The following KANK1 variants were observed in gnomAD, a reference collection of about 807,000 sequenced individuals.
KANK1 encodes the protein KN motif and ankyrin repeat domains 1, also known as KN motif and ankyrin repeat domain-containing protein 1.
In KANK1, 109 loss-of-function variants were observed where a neutral mutation model predicts 106.2. The ratio of observed to expected loss-of-function variants is 1.03; its 90% CI spans 0.88 to 1.20. The LOEUF (loss-of-function observed/expected upper bound fraction) is 1.20. KANK1 is among the 50% of genes most tolerant of loss of function. KANK1 has a pLI of 0.00. For missense variants in KANK1, 2,399 were observed against 1,710.7 expected (o/e 1.40, Z -7.10); for synonymous variants, 873 against 652.2 (o/e 1.34, Z -5.16).
chr9:692,267 T>A (rs556800429), intron 2 of KANK1, among the ~76,000 whole-genome samples: 3 of 152,324 alleles, frequency 2.0e-5, no homozygotes, highest in East Asian at 3.9e-4. Context: ...TTAAAGGTGA[T>A]TATCTTTGAG....
chr9:726,656 C>G (rs114523889), intron 3 of KANK1, among the ~76,000 whole-genome samples: 1 of 151,564 alleles, frequency 6.6e-6, no homozygotes, highest in African/African-American at 2.4e-5. Context: ...AAAACTTGAA[C>G]GGAGACAAAA....
At position 708,410 on chromosome 9, in the gene KANK1, G is replaced by T. The variant is rs77024268; in HGVS notation, c.38-2394G>T. On this transcript the variant is annotated intron_variant, in intron 2 of 11. Transcript: ENST00000382297. ...ACAAGTTTCCAGGCACAGCCCTCCC[G>T]ACCAGCCCTCCCATTCTTAGGCTAG... Among the ~76,000 whole-genome samples, 173 of 152,346 alleles carry T rather than the reference G, an allele frequency of 1.1e-3. 1 individual carries two copies. Among genetic ancestry groups the T allele is most frequent in the African/African-American group, 3.9e-3 (162 of 41,582 alleles).
At chr9:528,901 G>C (rs1207037777) in intron 1 of KANK1, among the ~76,000 whole-genome samples, 1 of 152,060 alleles carries the variant, frequency 6.6e-6, no homozygotes, top group African/African-American at 2.4e-5. Context: ...CTGGGCTTAA[G>C]CAATCATCCC....
At chr9:742,567 C>G (rs534691694) in intron 10 of KANK1, among the ~76,000 whole-genome samples, 162 bp downstream of exon 10, 1 of 152,332 alleles carries the variant, frequency 6.6e-6, no homozygotes, top group Admixed American at 6.5e-5. Flanking sequence ...CTTGGCTACA[C>G]TTACTGTGTG....
At chr9:562,607 C>T (rs1426557314) in intron 1 of KANK1, among the ~76,000 whole-genome samples, 4 of 152,200 alleles carry the variant, frequency 2.6e-5, no homozygotes, top group African/African-American at 9.6e-5. Flanking sequence ...GTTTCTTAAC[C>T]TGCATAGGAG....
chr9:487,270 A>T (rs541874779), intron 3 of KANK1, among the ~76,000 whole-genome samples: 10 of 152,340 alleles, frequency 6.6e-5, no homozygotes, highest in African/African-American at 9.6e-5. Flanking sequence ...CACTGCAAGT[A>T]CCCCATAACC....
chr9:599,700 C>T (rs1389127079), intron 1 of KANK1, among the ~76,000 whole-genome samples: 1 of 151,770 alleles, frequency 6.6e-6, no homozygotes, highest in Non-Finnish European at 1.5e-5. Context: ...TTCAACCCAA[C>T]ATGGATTGAA....
chr9:556,430 G>C (rs1311904836), intron 1 of KANK1, among the ~76,000 whole-genome samples: 2 of 152,172 alleles, frequency 1.3e-5, no homozygotes, highest in African/African-American at 4.8e-5. Context: ...GAGTCAGCCA[G>C]ATCCAGATCT....
chr9:589,637 C>T lies in KANK1; in HGVS notation c.-84+84883C>T, dbSNP rs187946223. Among the ~76,000 whole-genome samples, 5 of 151,982 alleles carry T rather than the reference C, an allele frequency of 3.3e-5. No individual in the cohort carries two copies. In the East Asian group the frequency reaches 5.8e-4, roughly 18 times the overall value. On this transcript the variant is annotated intron_variant, in intron 1 of 11. Coordinates refer to ENST00000382297, the MANE Select transcript of KANK1 (RefSeq NM_015158.5). ...CATCTTTGAGACTGAAGGAATGCGT[C>T]CCCTGAGCCAGGAAGGAGGGAGGAG...
At chr9:571,838 A>ATATGGGT (rs986229825) in intron 1 of KANK1, among the ~76,000 whole-genome samples, 10 of 152,176 alleles carry the variant, frequency 6.6e-5, no homozygotes, top group African/African-American at 2.4e-4. Flanking sequence ...AGAGAGAAAA[A>ATATGGGT]TATGGGTTTA....
chr9:499,643 G>C (rs2058516783), intron 3 of KANK1, among the ~76,000 whole-genome samples: 1 of 152,194 alleles, frequency 6.6e-6, no homozygotes, highest in African/African-American at 2.4e-5. Context: ...ATGTGGGCCT[G>C]AGACACCTTA....
intron 1 of KANK1, among the ~76,000 whole-genome samples, chr9:596,685 A>G (rs1171985359): frequency 1.3e-5 from 2 of 151,662 alleles, no homozygotes; most frequent in East Asian, 1.9e-4. Context: ...CCAGTTCCCC[A>G]TTGGTGTTTT....
intron 1 of KANK1, among the ~76,000 whole-genome samples, chr9:603,958 CAAA>C (rs71314719): frequency 3.2e-5 from 3 of 94,516 alleles, no homozygotes; most frequent in African/African-American, 4.5e-5. Context: ...GACTCTGTCT[CAAA>C]AAAAAAAAAA....
chr9:684,405 G>C, intron 2 of KANK1: 1 of 985,214 alleles, frequency 1.0e-6, no homozygotes, highest in Non-Finnish European at 1.2e-6. Context: ...AAGAAAGAAA[G>C]AAAAAAACAC....
At chr9:562,306 C>G (rs1429177360) in intron 1 of KANK1, among the ~76,000 whole-genome samples, 2 of 152,048 alleles carry the variant, frequency 1.3e-5, no homozygotes, top group Admixed American at 6.5e-5. Flanking sequence ...CCCGCCTCGG[C>G]CTCCCAAAGT....
intron 3 of KANK1, chr9:495,142 C>T (rs1333278829): frequency 6.6e-6 from 1 of 152,212 alleles, no homozygotes; most frequent in Non-Finnish European, 1.5e-5. Context: ...AAGTAATTGC[C>T]TTGGCTCCAA....
chr9:726,152 G>A (rs1470798284), intron 3 of KANK1, among the ~76,000 whole-genome samples: 1 of 151,234 alleles, frequency 6.6e-6, no homozygotes, highest in African/African-American at 2.4e-5. Context: ...TTTTTCCCAT[G>A]AGTCAAACAA....
At chr9:565,334 G>A (rs1473411286) in intron 1 of KANK1, among the ~76,000 whole-genome samples, 1 of 152,172 alleles carries the variant, frequency 6.6e-6, no homozygotes, top group Non-Finnish European at 1.5e-5. Flanking sequence ...ATGGTTTCAT[G>A]TTTGCTCCCA....
chr9:679,935 A>G (rs1055274285), intron 2 of KANK1, among the ~76,000 whole-genome samples: 11 of 152,188 alleles, frequency 7.2e-5, no homozygotes, highest in South Asian at 6.2e-4. Context: ...AAAATACTCA[A>G]TGTAAGAGAT....
Sources: allele counts gnomAD v4.1 joint callset (sites outside exome capture counted in the v4.1 genomes callset), GRCh38; gene constraint gnomAD v4.1.1; transcripts MANE v1.5; gene names NCBI Gene and HGNC (gene_info 2026-07-23, HGNC 2026-07-21).